The following VAV1 variants were observed in gnomAD, a reference collection of about 807,000 sequenced individuals.
The protein encoded by VAV1 is vav guanine nucleotide exchange factor 1.
VAV1 carries 33 observed loss-of-function variants against 128.1 expected under a neutral mutation model. The ratio of observed to expected loss-of-function variants is 0.26; its 90% CI spans 0.20 to 0.34. VAV1 has a LOEUF of 0.34. Ranked by LOEUF, VAV1 falls within the 10% of genes least tolerant of loss-of-function variation. VAV1 has a pLI of 1.00. For synonymous variants in VAV1, 394 were observed against 409.8 expected (o/e 0.96, Z 0.47); for missense variants, 715 against 1,093.7 (o/e 0.65, Z 4.88).
rs1972418297 is a variant in VAV1, at chr19:6,843,057, G to T, written c.1981-78G>T. On this transcript the variant is annotated intron_variant, in intron 21 of 26. Coordinates refer to ENST00000602142, the MANE Select transcript of VAV1 (RefSeq NM_005428.4). ...ATGCAAGTGGAATGAGTGAATGAAT[G>T]AATGAATGAAGTGCCCTGCCCTCTG... The T allele has an allele frequency of 2.8e-6, 4 of 1,448,488 alleles. No homozygotes were observed. The African/African-American group carries it at 5.6e-5, about 20-fold the overall frequency. 89.7% of individuals were successfully genotyped at this position (1,448,488 alleles called of 1,614,324 possible). A position where few individuals can be genotyped will look rare whatever the true frequency, so the allele number is the denominator to read the frequency against.
rs111211941 is a variant in VAV1, at chr19:6,776,269, C to T, written c.204+3258C>T. Reference sequence around the variant, plus strand: ...CCATCCATCCATCCATCTGCTCATCCATTCATCTATCCACTCATCCATCCA... The same window carrying T: ...CCATCCATCCATCCATCTGCTCATCTATTCATCTATCCACTCATCCATCCA... On this transcript the variant is annotated intron_variant, in intron 1 of 26. Transcript: ENST00000602142. Among the ~76,000 whole-genome samples the T allele has an allele frequency of 9.6e-3, 1,415 of 147,442 alleles. 42 individuals carry two copies. Among genetic ancestry groups the T allele is most frequent in the South Asian group, 0.048 (215 of 4,500 alleles).
In VAV1 at chr19:6,793,981, ACTT is replaced by A. The variant is rs1971072738; in HGVS notation, c.204+20974_204+20976del. On this transcript the variant is annotated intron_variant, in intron 1 of 26. Coordinates refer to ENST00000602142, the MANE Select transcript of VAV1 (RefSeq NM_005428.4). ...GATTTACCAGTGATACTGATAAATGACTTCTTTATCATTTATGAAAAATTGATA... is the reference window on the plus strand; with the variant it reads ...GATTTACCAGTGATACTGATAAATGACTTTATCATTTATGAAAAATTGATA... Among the ~76,000 whole-genome samples the A allele has an allele frequency of 1.3e-5, 2 of 152,146 alleles. 1 individual carries two copies. Among genetic ancestry groups the A allele is most frequent in the Non-Finnish European group, 2.9e-5 (2 of 68,032 alleles).
chr19:6,857,291 G>C lies in VAV1; in HGVS notation c.*184G>C. 2.8e-6 allele frequency: 2 copies of C among 712,752 alleles called. No individual in the cohort carries two copies. The highest frequency in any genetic ancestry group is 5.6e-5 in the East Asian group (2 of 35,676). The allele number at this position is 712,752 out of a possible 1,614,324, so 44.2% of individuals were successfully genotyped here. On this transcript the variant is annotated 3_prime_UTR_variant, in exon 27 of 27. Coordinates refer to ENST00000602142, the MANE Select transcript of VAV1 (RefSeq NM_005428.4). ...TGACATGGTTAATTTATAACACCCC[G>C]ATTTCCTCTTGGGTCCCCTCAAGCA...
chr19:6,789,294 C>T (rs1035860512), intron 1 of VAV1, among the ~76,000 whole-genome samples: 3 of 150,450 alleles, frequency 2.0e-5, no homozygotes, highest in South Asian at 2.1e-4. Flanking sequence ...ACTCTGTCGC[C>T]CAGGCTGGAG....
At chr19:6,794,443 T>C (rs1971084309) in intron 1 of VAV1, among the ~76,000 whole-genome samples, 1 of 152,132 alleles carries the variant, frequency 6.6e-6, no homozygotes, top group Non-Finnish European at 1.5e-5. Context: ...AGTTTGAGGC[T>C]GCAGTGAGCT....
Position 6,773,112 on chromosome 19 carries a change from A to T in VAV1, c.204+101A>T. The T allele has an allele frequency of 2.7e-6, 4 of 1,461,864 alleles. No homozygotes were observed. In the South Asian group the frequency reaches 4.8e-5, roughly 18 times the overall value. The allele number at this position is 1,461,864 out of a possible 1,614,324, so 90.6% of individuals were successfully genotyped here. A position where few individuals can be genotyped will look rare whatever the true frequency, so the allele number is the denominator to read the frequency against. ...CGTGCTGCTCCACCTCTGGGCCTGC[A>T]AAGGAGAGGGAATATGCTTACAGGT... On this transcript the variant is annotated intron_variant, in intron 1 of 26. Transcript: ENST00000602142.
In VAV1 at chr19:6,820,917, G is replaced by T; in HGVS notation, c.321+99G>T. On this transcript the variant is annotated intron_variant, in intron 2 of 26. Coordinates refer to ENST00000602142, the MANE Select transcript of VAV1 (RefSeq NM_005428.4). This position sits in a 1 kb window ranked among gnomAD's most constrained non-coding sequence, Gnocchi z 4.4. ...GGACTGTCAGGGGACAGGCAGACAAGCCAGACCAGGCCATATACAAGACGC... is the reference window on the plus strand; with the variant it reads ...GGACTGTCAGGGGACAGGCAGACAATCCAGACCAGGCCATATACAAGACGC... The T allele has an allele frequency of 9.0e-7, 1 of 1,109,662 alleles. No individual in the cohort carries two copies. Among genetic ancestry groups the T allele is most frequent in the South Asian group, 1.3e-5 (1 of 77,188 alleles). The allele number at this position is 1,109,662 out of a possible 1,614,324, so 68.7% of individuals were successfully genotyped here.
In VAV1 at chr19:6,832,154, A is replaced by G; in HGVS notation, c.1462A>G (p.Thr488Ala). ...GAQGYELFFK[T>A]RELKKKWMEQ... Reference sequence around the variant, plus strand: ...CCAGGGCTATGAGCTGTTCTTCAAGACAAGAGAATTGAAGAAGAAGTGGAT... The same window carrying G: ...CCAGGGCTATGAGCTGTTCTTCAAGGCAAGAGAATTGAAGAAGAAGTGGAT... Residue 488 changes from threonine (T) to alanine (A), a missense_variant, in exon 15 of 27, where the codon ACA becomes GCA. This residue lies in a region of VAV1 where 407 missense variants were observed against 580.6 expected (regional missense o/e 0.70). Coordinates refer to ENST00000602142, the MANE Select transcript of VAV1 (RefSeq NM_005428.4). 6.2e-7 allele frequency: 1 copy of G among 1,614,146 alleles called. No homozygotes were observed.
intron 24 of VAV1, 138 bp downstream of exon 24, chr19:6,850,895 T>A: frequency 1.5e-6 from 1 of 686,224 alleles, no homozygotes; most frequent in Non-Finnish European, 2.5e-6. Context: ...GACCTTAAAC[T>A]TATGCTCTTA....
intron 1 of VAV1, among the ~76,000 whole-genome samples, chr19:6,776,196 T>C (rs1219137017): frequency 3.6e-5 from 2 of 55,690 alleles, no homozygotes; most frequent in African/African-American, 7.2e-5. Flanking sequence ...ATCCATCCAC[T>C]CCTCCATCCA....
chr19:6,854,176 G>A (rs1374009613), intron 26 of VAV1, 78 bp downstream of exon 26: 11 of 1,556,556 alleles, frequency 7.1e-6, no homozygotes, highest in African/African-American at 4.0e-5. Context: ...CTGGGGACTG[G>A]AGAAGGTGAG....
chr19:6,832,572 T>TTCTTCCTCCTCC (rs1972097318), intron 15 of VAV1, among the ~76,000 whole-genome samples: 1 of 126,714 alleles, frequency 7.9e-6, no homozygotes, highest in Non-Finnish European at 1.6e-5. Context: ...CTTCCTCCCC[T>TTCTTCCTCCTCC]TCCTCCTCCT....
At chr19:6,814,667 CCTTCCTTTCTTTCTTTCTTT>C (rs1453275373) in intron 1 of VAV1, among the ~76,000 whole-genome samples, 10 of 25,132 alleles carry the variant, frequency 4.0e-4, no homozygotes, top group Admixed American at 2.9e-3. Flanking sequence ...TTCCTTCCTT[CCTTCCTTTCTTTCTTTCTTT>C]CTTTCTTTCT....
At chr19:6,818,314 G>A (rs980322025) in intron 1 of VAV1, among the ~76,000 whole-genome samples, 2 of 152,192 alleles carry the variant, frequency 1.3e-5, no homozygotes, top group Non-Finnish European at 2.9e-5. Context: ...GTATTTGTTT[G>A]CGTGGGTGCC....
In VAV1 at chr19:6,818,452, C is replaced by T. The variant is rs187355764; in HGVS notation, c.205-2250C>T. On this transcript the variant is annotated intron_variant, in intron 1 of 26. Transcript: ENST00000602142. Reference sequence around the variant, plus strand: ...CCCACTCTAACTCCAGCCACATGGGCCTCCTTGCTGTTCCTCCAACATGTT... The same window carrying T: ...CCCACTCTAACTCCAGCCACATGGGTCTCCTTGCTGTTCCTCCAACATGTT... Among the ~76,000 whole-genome samples the T allele has an allele frequency of 2.8e-3, 429 of 152,334 alleles. 1 individual carries two copies. The highest frequency in any genetic ancestry group is 0.014 in the Middle Eastern group (4 of 294).
At chr19:6,839,700 C>CT (rs1469253902) in intron 21 of VAV1, among the ~76,000 whole-genome samples, 1 of 151,434 alleles carries the variant, frequency 6.6e-6, no homozygotes, top group Non-Finnish European at 1.5e-5. Context: ...ACAATGTAAC[C>CT]TTTTTTTTGG....
intron 1 of VAV1, among the ~76,000 whole-genome samples, chr19:6,788,078 AAAAC>A (rs954287050): frequency 2.8e-4 from 43 of 152,044 alleles, no homozygotes; most frequent in South Asian, 2.3e-3. Flanking sequence ...CTCCGTCTCA[AAAAC>A]AAACAAACAA....
chr19:6,799,841 T>C (rs1369927662), intron 1 of VAV1, among the ~76,000 whole-genome samples: 2 of 108,144 alleles, frequency 1.8e-5, no homozygotes, highest in Non-Finnish European at 3.4e-5. Context: ...ACTGAGACTG[T>C]CTCAAAAAAA....
chr19:6,832,210 C>A lies in VAV1; in HGVS notation c.1508+10C>A. ...AGTTTGAGATGGCCATGTGAGTCCC[C>A]GTCTTCCTCCCTCTTTCTGTCCACA... On this transcript the variant is annotated intron_variant, in intron 15 of 26. Transcript: ENST00000602142. 6.2e-7 allele frequency: 1 copy of A among 1,612,958 alleles called. No individual in the cohort carries two copies. The highest frequency in any genetic ancestry group is 8.5e-7 in the Non-Finnish European group (1 of 1,179,020).
Sources: gnomAD v4.1 joint callset for allele counts (sites outside exome capture counted in the v4.1 genomes callset) on GRCh38, gnomAD v4.1.1 for gene constraint, gnomAD v4.1.1 regional missense constraint, Gnocchi (gnomAD v3.1) non-coding constraint, MANE v1.5 for transcripts, NCBI Gene and HGNC (gene_info 2026-07-23, HGNC 2026-07-21) for gene names.